RYR2: variants seen among roughly 807,000 people sequenced by gnomAD.
RYR2 encodes cardiac muscle ryanodine receptor-calcium release channel.
Under a neutral mutation model 601.1 loss-of-function variants are expected in RYR2, and 227 were observed. The ratio of observed to expected loss-of-function variants is 0.38; its 90% CI spans 0.34 to 0.42. RYR2 has a LOEUF of 0.42. RYR2 is among the 10% of genes least tolerant of loss of function. The pLI, the probability that RYR2 is intolerant of heterozygous loss-of-function variation, is 1.00. For synonymous variants in RYR2, 2,223 were observed against 2,175.1 expected, an observed-to-expected ratio of 1.02 and a Z score of -0.61; for missense variants, 4,646 against 6,156.5, an observed-to-expected ratio of 0.75 and a Z score of 8.21.
intron 1 of RYR2, among the ~76,000 whole-genome samples, chr1:237,182,214 C>T (rs560175865): frequency 1.1e-4 from 17 of 151,996 alleles, no homozygotes; most frequent in South Asian, 2.1e-4. Context: ...CTCCGCCTCC[C>T]GGGTTCAATC....
intron 1 of RYR2, among the ~76,000 whole-genome samples, chr1:237,109,083 C>T (rs779497417): frequency 7.2e-5 from 11 of 151,960 alleles, no homozygotes; most frequent in Non-Finnish European, 1.6e-4. Context: ...CTAACCTAGC[C>T]GAACATAACC....
chr1:237,527,412 A>G (rs541158499), intron 24 of RYR2, among the ~76,000 whole-genome samples: 1 of 152,240 alleles, frequency 6.6e-6, no homozygotes, highest in Non-Finnish European at 1.5e-5. Flanking sequence ...AAGTTGATAC[A>G]TAAAATTAGC....
At chr1:237,182,970 A>G (rs12074532) in intron 1 of RYR2, among the ~76,000 whole-genome samples, 5,231 of 152,246 alleles carry the variant, frequency 0.034, 315 homozygotes, top group African/African-American at 0.12. Flanking sequence ...AGAGTATCCC[A>G]TTTATCTGGT....
At chr1:237,680,912 T>G (rs1685822082) in intron 62 of RYR2, among the ~76,000 whole-genome samples, 1 of 152,206 alleles carries the variant, frequency 6.6e-6, no homozygotes, top group African/African-American at 2.4e-5. Context: ...TCTTTAATGT[T>G]TCCACAAATC....
chr1:237,052,072 G>A (rs116780684), intron 1 of RYR2, among the ~76,000 whole-genome samples: 259 of 152,310 alleles, frequency 1.7e-3, no homozygotes, highest in African/African-American at 5.9e-3. Flanking sequence ...TAAATACAGA[G>A]TAGGGTAATT....
At chr1:237,612,729 C>T (rs1678025159) in intron 36 of RYR2, among the ~76,000 whole-genome samples, 1 of 152,146 alleles carries the variant, frequency 6.6e-6, no homozygotes, top group Non-Finnish European at 1.5e-5. Flanking sequence ...AACGTTGTGT[C>T]TCTACTGAGC....
At chr1:237,239,166 T>C (rs1685893195) in intron 1 of RYR2, among the ~76,000 whole-genome samples, 1 of 152,218 alleles carries the variant, frequency 6.6e-6, no homozygotes, top group East Asian at 1.9e-4. Context: ...CTTTTGAAAA[T>C]GCTTCTGAAC....
chr1:237,489,481 A>AC (rs1166850127), intron 17 of RYR2, among the ~76,000 whole-genome samples: 2 of 152,126 alleles, frequency 1.3e-5, no homozygotes. Context: ...ACATGGTGAA[A>AC]CCCCATCTCT....
chr1:237,159,657 C>G (rs1421223777), intron 1 of RYR2, among the ~76,000 whole-genome samples: 3 of 151,984 alleles, frequency 2.0e-5, no homozygotes, highest in Non-Finnish European at 2.9e-5. Context: ...AAAGTGTGAC[C>G]CTGCCTGTAC....
chr1:237,125,850 C>T (rs769156348), intron 1 of RYR2, among the ~76,000 whole-genome samples: 6 of 152,128 alleles, frequency 3.9e-5, no homozygotes, highest in Non-Finnish European at 8.8e-5. Context: ...ATGTACAAAA[C>T]TGAGTAAGTG....
At chr1:237,468,100 C>T (rs187361742) in intron 16 of RYR2, among the ~76,000 whole-genome samples, 29 of 151,998 alleles carry the variant, frequency 1.9e-4, no homozygotes, top group Admixed American at 1.8e-3. Flanking sequence ...CCTCATGATC[C>T]GCCCACCTCA....
At chr1:237,733,976 A>G (rs1690917594) in intron 79 of RYR2, among the ~76,000 whole-genome samples, 1 of 152,228 alleles carries the variant, frequency 6.6e-6, no homozygotes, top group Admixed American at 6.5e-5. Context: ...CATTCAACAA[A>G]TATTTGCTGG....
At chr1:237,712,728 A>G (rs1688949236) in intron 71 of RYR2, among the ~76,000 whole-genome samples, 1 of 152,256 alleles carries the variant, frequency 6.6e-6, no homozygotes. Context: ...GTTCTCACAC[A>G]TGAAGTGGGA....
rs1006993653 is a variant in RYR2, at chr1:237,832,795, A to G, written c.*148A>G. 41 of 537,924 alleles carry G rather than the reference A, an allele frequency of 7.6e-5. No homozygotes were observed. The highest frequency in any genetic ancestry group is 1.3e-5 in the Non-Finnish European group (4 of 300,512). The allele number at this position is 537,924 out of a possible 1,614,324, so 33.3% of individuals were successfully genotyped here. On this transcript the variant is annotated 3_prime_UTR_variant, in exon 105 of 105. Transcript: ENST00000366574. ...GAGCATCGAAGCTCTGTTTCGGAAG[A>G]GCTGTTTCCTCCCCCCACCTTTTGT... is the stretch of plus-strand genomic sequence containing the variant.
In RYR2 at chr1:237,639,503, G is replaced by A. The variant is rs78229019; in HGVS notation, c.7115+302G>A. Among the ~76,000 whole-genome samples, 605 of 152,286 alleles carry A rather than the reference G, an allele frequency of 4.0e-3. 1 individual carries two copies. Among genetic ancestry groups the A allele is most frequent in the East Asian group, 0.022 (115 of 5,178 alleles). ...CAAGGTGGGTTGTTGTAAATGATAC[G>A]AAGTGAACCTTTGGGGTTAGACTGG... On this transcript the variant is annotated intron_variant, in intron 46 of 104. Coordinates refer to ENST00000366574, the MANE Select transcript of RYR2 (RefSeq NM_001035.3).
chr1:237,487,754 A>G (rs12058655), intron 17 of RYR2, among the ~76,000 whole-genome samples: 42,531 of 150,534 alleles, frequency 0.28, 6,931 homozygotes, highest in African/African-American at 0.45. Context: ...ATTCCAATAA[A>G]CCAGGGTTAT....
At position 237,614,269 on chromosome 1, in the gene RYR2, A is replaced by G. The variant is rs1377623599; in HGVS notation, c.5141A>G (p.Tyr1714Cys). 6.2e-7 allele frequency: 1 copy of G among 1,613,914 alleles called. No homozygotes were observed. The highest frequency in any genetic ancestry group is 8.5e-7 in the Non-Finnish European group (1 of 1,179,906). Reference protein sequence around the residue: ...DLLIDIHLSSYATARLMMNNE... With the variant: ...DLLIDIHLSSCATARLMMNNE... ...CTGATTGACATCCACCTGAGCTCCT[A>G]TGCCACTGCCAGGCTCATGATGAAC... Residue 1714 changes from tyrosine to cysteine, a missense_variant, in exon 37 of 105, where the codon TAT becomes TGT. Coordinates refer to ENST00000366574, the MANE Select transcript of RYR2 (RefSeq NM_001035.3). The surrounding 1 kb of genome is among the most constrained non-coding windows in gnomAD (Gnocchi z 4.3).
At chr1:237,386,839 A>G (rs942494113) in intron 8 of RYR2, among the ~76,000 whole-genome samples, 2 of 152,204 alleles carry the variant, frequency 1.3e-5, no homozygotes, top group Admixed American at 6.5e-5. Context: ...AAAAGACCCC[A>G]TAAGACGCCT....
At chr1:237,565,187 C>CTT (rs869066903) in intron 27 of RYR2, among the ~76,000 whole-genome samples, 1 of 70,118 alleles carries the variant, frequency 1.4e-5, no homozygotes, top group African/African-American at 4.6e-5. Flanking sequence ...TTCTTTCTTT[C>CTT]TTTCTTTCTT....
Sources: gnomAD v4.1 joint callset for allele counts (sites outside exome capture counted in the v4.1 genomes callset) on GRCh38, gnomAD v4.1.1 for gene constraint, Gnocchi (gnomAD v3.1) non-coding constraint, MANE v1.5 for transcripts, NCBI Gene and HGNC (gene_info 2026-07-23, HGNC 2026-07-21) for gene names.